Variants in PTBP2 observed in about 807,000 individuals in gnomAD.
PTBP2 encodes the protein polypyrimidine tract-binding protein 2.
A neutral mutation model predicts 61.4 loss-of-function variants in PTBP2; 13 were observed. The observed-to-expected ratio is 0.21, with a 90% CI of 0.14 to 0.34. PTBP2 has a LOEUF of 0.34. PTBP2 is among the 10% of genes least tolerant of loss of function. PTBP2 has a pLI of 1.00. For synonymous variants in PTBP2, 215 were observed against 218.5 expected, an observed-to-expected ratio of 0.98 and a Z score of 0.14; for missense variants, 405 against 642.6, an observed-to-expected ratio of 0.63 and a Z score of 4.00.
At chr1:96,753,562 T>G (rs1185344997) in intron 3 of PTBP2, among the ~76,000 whole-genome samples, 1 of 151,244 alleles carries the variant, frequency 6.6e-6, no homozygotes, top group Non-Finnish European at 1.5e-5. Context: ...AAATTACAAG[T>G]GATGTGCAGA....
intron 5 of PTBP2, among the ~76,000 whole-genome samples, chr1:96,774,789 A>G (rs1166954555): frequency 1.3e-5 from 2 of 152,206 alleles, no homozygotes; most frequent in African/African-American, 4.8e-5. Context: ...ACTCCCATGC[A>G]GTAGGTCCTG....
chr1:96,803,089 G>GTA (rs1557772431), intron 8 of PTBP2, among the ~76,000 whole-genome samples: 1 of 152,102 alleles, frequency 6.6e-6, no homozygotes, highest in East Asian at 1.9e-4. Flanking sequence ...ATAGTGAGAG[G>GTA]TATAGTATTT....
chr1:96,754,890 A>C (rs1464401003), intron 3 of PTBP2, among the ~76,000 whole-genome samples: 1 of 152,190 alleles, frequency 6.6e-6, no homozygotes, highest in Non-Finnish European at 1.5e-5. Context: ...AAAACCAAAA[A>C]TTATAAAATC....
At chr1:96,777,989 GT>G in intron 7 of PTBP2, 43 bp downstream of exon 7, 1 of 1,116,514 alleles carries the variant, frequency 9.0e-7, no homozygotes, top group Non-Finnish European at 1.3e-6. Flanking sequence ...TTATTGAAAT[GT>G]ATATGTAGAA....
intron 2 of PTBP2, among the ~76,000 whole-genome samples, chr1:96,741,165 C>CA (rs202119800): frequency 0.03 from 3,796 of 125,766 alleles, 137 homozygotes; most frequent in African/African-American, 0.097. Flanking sequence ...CCTATTAATG[C>CA]AAAAAAAAAA....
chr1:96,787,729 T>C (rs1570947919), intron 8 of PTBP2, among the ~76,000 whole-genome samples: 1 of 152,238 alleles, frequency 6.6e-6, no homozygotes, highest in South Asian at 2.1e-4. Flanking sequence ...TATTTGCAGA[T>C]TTGCATTATC....
At chr1:96,808,054 A>G (rs1484117754) in intron 11 of PTBP2, among the ~76,000 whole-genome samples, 1 of 151,774 alleles carries the variant, frequency 6.6e-6, no homozygotes, top group African/African-American at 2.4e-5. Flanking sequence ...TTTTTTCCCT[A>G]ATTGTTTGAG....
chr1:96,758,278 TA>T (rs1280890860), intron 3 of PTBP2, among the ~76,000 whole-genome samples: 2 of 152,120 alleles, frequency 1.3e-5, no homozygotes, highest in South Asian at 2.1e-4. Flanking sequence ...AATTTATAAT[TA>T]AAAAAATCTT....
intron 5 of PTBP2, chr1:96,771,485 A>G (rs1418965494): frequency 6.6e-6 from 1 of 151,914 alleles, no homozygotes; most frequent in Non-Finnish European, 1.5e-5. Flanking sequence ...AATGTAATGG[A>G]AAACTGTTCC....
At chr1:96,745,172 GCT>G (rs1653581438) in intron 2 of PTBP2, among the ~76,000 whole-genome samples, 1 of 134,562 alleles carries the variant, frequency 7.4e-6, no homozygotes, top group South Asian at 2.7e-4. Context: ...CAGCAATATT[GCT>G]TTTTTTTTTT....
intron 8 of PTBP2, among the ~76,000 whole-genome samples, chr1:96,803,771 A>T (rs1661250042): frequency 6.6e-6 from 1 of 152,234 alleles, no homozygotes; most frequent in African/African-American, 2.4e-5. Flanking sequence ...ATGTGAACTT[A>T]TGGAACAAGA....
intron 3 of PTBP2, among the ~76,000 whole-genome samples, chr1:96,753,613 T>C (rs1654831098): frequency 6.6e-6 from 1 of 151,896 alleles, no homozygotes; most frequent in Non-Finnish European, 1.5e-5. Flanking sequence ...ACACATTTAA[T>C]AGGAACAGAT....
At chr1:96,802,788 GCTAA>G (rs1353259734) in intron 8 of PTBP2, among the ~76,000 whole-genome samples, 13 of 152,154 alleles carry the variant, frequency 8.5e-5, no homozygotes, top group African/African-American at 3.1e-4. Flanking sequence ...CTAAAAGGTA[GCTAA>G]CTAAAGGCAG....
chr1:96,758,265 T>C (rs1376521655), intron 3 of PTBP2, among the ~76,000 whole-genome samples: 1 of 152,022 alleles, frequency 6.6e-6, no homozygotes, highest in African/African-American at 2.4e-5. Flanking sequence ...TTATACAAAT[T>C]GGAATTTATA....
At chr1:96,804,593 T>G (rs1042832790) in intron 8 of PTBP2, among the ~76,000 whole-genome samples, 2 of 152,194 alleles carry the variant, frequency 1.3e-5, no homozygotes, top group Non-Finnish European at 2.9e-5. Context: ...GTTCAAATAA[T>G]TAATGGTTTT....
chr1:96,774,992 C>T (rs962518910), intron 5 of PTBP2, among the ~76,000 whole-genome samples: 2 of 152,150 alleles, frequency 1.3e-5, no homozygotes, highest in Admixed American at 1.3e-4. Flanking sequence ...TGTGGGTTGG[C>T]CTGCCTTTTG....
At chr1:96,790,429 AATG>A (rs1277021441) in intron 8 of PTBP2, among the ~76,000 whole-genome samples, 2 of 151,830 alleles carry the variant, frequency 1.3e-5, no homozygotes, top group African/African-American at 4.8e-5. Context: ...TTTTTCTACT[AATG>A]ATTTTAGTAT....
At chr1:96,799,380 C>T (rs757176816) in intron 8 of PTBP2, among the ~76,000 whole-genome samples, 1 of 143,980 alleles carries the variant, frequency 6.9e-6, no homozygotes, top group Non-Finnish European at 1.5e-5. Flanking sequence ...ACTGCAAACT[C>T]GGCCTCCCGG....
At chr1:96,778,544 C>T (rs2101046533) in intron 7 of PTBP2, among the ~76,000 whole-genome samples, 1 of 152,148 alleles carries the variant, frequency 6.6e-6, no homozygotes, top group Non-Finnish European at 1.5e-5. Context: ...ATCTTTGCTT[C>T]CAAGTACCTT....
Sources: allele counts gnomAD v4.1 joint callset (sites outside exome capture counted in the v4.1 genomes callset), GRCh38; gene constraint gnomAD v4.1.1; transcripts MANE v1.5; gene names NCBI Gene and HGNC (gene_info 2026-07-23, HGNC 2026-07-21).